PTBP3: variants seen among roughly 807,000 people sequenced by gnomAD.
PTBP3 encodes the protein polypyrimidine tract binding protein 3, also known as polypyrimidine tract-binding protein 3.
A neutral mutation model predicts 58.7 loss-of-function variants in PTBP3; 20 were observed. The ratio of observed to expected loss-of-function variants is 0.34; its 90% CI spans 0.24 to 0.50. PTBP3 has a LOEUF of 0.50. PTBP3 is among the 20% of genes least tolerant of loss of function. PTBP3 has a pLI of 0.98. For missense variants in PTBP3, 509 were observed against 637.2 expected, an observed-to-expected ratio of 0.80 and a Z score of 2.17; for synonymous variants, 185 against 219.8, an observed-to-expected ratio of 0.84 and a Z score of 1.40.
rs1834806785 is a variant in PTBP3, at chr9:112,221,549, A to G, written c.*2302T>C. The G allele has an allele frequency of 1.5e-5, 15 of 985,730 alleles. No individual in the cohort carries two copies. In the South Asian group the frequency reaches 6.6e-4, roughly 43 times the overall value. 61.1% of individuals were successfully genotyped at this position (985,730 alleles called of 1,614,324 possible). A position where few individuals can be genotyped will look rare whatever the true frequency, so the allele number is the denominator to read the frequency against. On this transcript the variant is annotated 3_prime_UTR_variant, in exon 14 of 14. Coordinates refer to ENST00000374257, the MANE Select transcript of PTBP3 (RefSeq NM_001163788.4). ...TATAATAGTGCCTGTGTGGAAGGGAAAAAAAAGCAAGTTTTGGGAGATTTT... is the reference window on the plus strand; with the variant it reads ...TATAATAGTGCCTGTGTGGAAGGGAGAAAAAAGCAAGTTTTGGGAGATTTT...
chr9:112,306,430 G>A (rs1415667088), intron 1 of PTBP3, among the ~76,000 whole-genome samples: 4 of 139,734 alleles, frequency 2.9e-5, no homozygotes, highest in South Asian at 2.3e-4. Flanking sequence ...AAAGTGCTGC[G>A]ATTAGAGGCC....
chr9:112,316,940 C>A (rs533838828), intron 1 of PTBP3, among the ~76,000 whole-genome samples: 1 of 149,514 alleles, frequency 6.7e-6, no homozygotes, highest in African/African-American at 2.5e-5. Flanking sequence ...CCGCTGCACT[C>A]CAGGTTGGGC....
At chr9:112,254,288 G>A (rs775280437) in intron 5 of PTBP3, among the ~76,000 whole-genome samples, 6 of 152,078 alleles carry the variant, frequency 3.9e-5, no homozygotes, top group Non-Finnish European at 8.8e-5. Flanking sequence ...ACCTGGCCCT[G>A]CTTTTTAATT....
chr9:112,320,860 A>G (rs1399240210), intron 1 of PTBP3, among the ~76,000 whole-genome samples: 2 of 152,188 alleles, frequency 1.3e-5, no homozygotes, highest in Non-Finnish European at 2.9e-5. Context: ...ACACAAAAAT[A>G]AATTTGAGAT....
the PTBP3 span, among the ~76,000 whole-genome samples, chr9:112,357,102 G>A: frequency 1.2e-4 from 18 of 151,698 alleles, no homozygotes; most frequent in African/African-American, 1.7e-4. Flanking sequence ...GGCTGGTCTC[G>A]AACTCCTGAT....
At chr9:112,342,866 G>T in the PTBP3 span, among the ~76,000 whole-genome samples, 3 of 150,280 alleles carry the variant, frequency 2.0e-5, no homozygotes, top group Non-Finnish European at 4.4e-5. Context: ...AACTTTTTTT[G>T]TGGGGGCGGG....
At chr9:112,263,431 C>T (rs1429367070) in intron 4 of PTBP3, among the ~76,000 whole-genome samples, 1 of 152,154 alleles carries the variant, frequency 6.6e-6, no homozygotes, top group Admixed American at 6.5e-5. Flanking sequence ...ATTACTAACA[C>T]AACAAATGGA....
At chr9:112,338,962 G>A in the PTBP3 span, among the ~76,000 whole-genome samples, 1 of 152,104 alleles carries the variant, frequency 6.6e-6, no homozygotes, top group East Asian at 1.9e-4. Flanking sequence ...TGGGCTTTCT[G>A]GAGCACTTTT....
intron 7 of PTBP3, among the ~76,000 whole-genome samples, chr9:112,250,532 T>C (rs1836067313): frequency 6.6e-6 from 1 of 152,138 alleles, no homozygotes; most frequent in South Asian, 2.1e-4. Context: ...ATACTATTAA[T>C]TTAAGCTTGA....
chr9:112,366,396 G>A, the PTBP3 span, among the ~76,000 whole-genome samples: 2 of 152,192 alleles, frequency 1.3e-5, no homozygotes, highest in South Asian at 4.1e-4. Context: ...CATCACAGGA[G>A]GAAAAAATGG....
chr9:112,267,829 A>G (rs777674880), intron 4 of PTBP3, among the ~76,000 whole-genome samples: 16 of 152,126 alleles, frequency 1.1e-4, no homozygotes, highest in Non-Finnish European at 2.1e-4. Context: ...CTCCTTTTTT[A>G]CTGTGAAAAC....
At chr9:112,364,930 A>G in the PTBP3 span, among the ~76,000 whole-genome samples, 1 of 152,130 alleles carries the variant, frequency 6.6e-6, no homozygotes, top group Admixed American at 6.6e-5. Flanking sequence ...TGTAATCTAC[A>G]TATCTCCATT....
chr9:112,264,509 A>C lies in PTBP3; in HGVS notation c.352-1910T>G, dbSNP rs539633688. ...AAGTACAATCATAAACTGGAAAAGT[A>C]AAGTGCATATTTTGGGATAGCTTGC... On this transcript the variant is annotated intron_variant, in intron 4 of 13. Coordinates refer to ENST00000374257, the MANE Select transcript of PTBP3 (RefSeq NM_001163788.4). Among the ~76,000 whole-genome samples, 3 of 152,362 alleles carry C rather than the reference A, an allele frequency of 2.0e-5. No homozygotes were observed. The East Asian group carries it at 5.8e-4, about 29-fold the overall frequency.
chr9:112,306,586 G>GTATA (rs569038891), intron 1 of PTBP3, among the ~76,000 whole-genome samples: 7,161 of 113,846 alleles, frequency 0.063, 198 homozygotes, highest in East Asian at 0.15. Flanking sequence ...ATTTAAATTT[G>GTATA]TATATATATA....
At chr9:112,324,657 TTTTTAA>T in intron 1 of PTBP3, among the ~76,000 whole-genome samples, 1 of 137,908 alleles carries the variant, frequency 7.3e-6, no homozygotes, top group African/African-American at 2.6e-5. Context: ...CTTTTTTTTT[TTTTTAA>T]AAAAAAACAA....
chr9:112,318,687 G>C (rs181859462), intron 1 of PTBP3, among the ~76,000 whole-genome samples: 1 of 151,972 alleles, frequency 6.6e-6, no homozygotes, highest in Admixed American at 6.5e-5. Flanking sequence ...TTGAACCTGG[G>C]AGGCAGAGGT....
chr9:112,347,958 C>T, the PTBP3 span, among the ~76,000 whole-genome samples: 1 of 152,126 alleles, frequency 6.6e-6, no homozygotes, highest in African/African-American at 2.4e-5. Context: ...CACACATATC[C>T]ACAAAATTTA....
intron 5 of PTBP3, among the ~76,000 whole-genome samples, chr9:112,260,033 G>T (rs542606373): frequency 6.6e-6 from 1 of 152,230 alleles, no homozygotes; most frequent in African/African-American, 2.4e-5. Context: ...TCAGCCTCCA[G>T]AATAGGTGGA....
rs182905599 is a variant in PTBP3, at chr9:112,239,419, T to A, written c.803-4522A>T. On this transcript the variant is annotated intron_variant, in intron 7 of 13. Coordinates refer to ENST00000374257, the MANE Select transcript of PTBP3 (RefSeq NM_001163788.4). The stretch of plus-strand genomic sequence containing the variant: ...CGCAATAAGTTAATTGTATGGCATG[T>A]AAGGTGACAATTACTATGGAAAAAA... Among the ~76,000 whole-genome samples, 922 of 152,132 alleles carry A rather than the reference T, an allele frequency of 6.1e-3. 6 individuals carry two copies. Among genetic ancestry groups the A allele is most frequent in the Middle Eastern group, 0.014 (4 of 294 alleles).
Sources: gnomAD v4.1 joint callset for allele counts (sites outside exome capture counted in the v4.1 genomes callset) on GRCh38, gnomAD v4.1.1 for gene constraint, MANE v1.5 for transcripts, NCBI Gene and HGNC (gene_info 2026-07-23, HGNC 2026-07-21) for gene names.